Variants in PBX1 observed in about 807,000 individuals in gnomAD.
PBX1 encodes the protein PBX homeobox 1.
Under a neutral mutation model 53.4 loss-of-function variants are expected in PBX1, and 6 were observed. The ratio of observed to expected loss-of-function variants is 0.11; its 90% CI spans 0.06 to 0.22. The LOEUF is 0.22. Ranked by LOEUF, PBX1 falls within the 10% of genes least tolerant of loss-of-function variation. The probability of loss-of-function intolerance (pLI) is 1.00; values close to 1 mark genes in which losing one functional copy is unlikely to be tolerated. For missense variants in PBX1, 251 were observed against 551.4 expected (o/e 0.46, Z 5.46); for synonymous variants, 204 against 212.3 (o/e 0.96, Z 0.34).
At chr1:164,740,721 T>C (rs1395216993) in intron 2 of PBX1, among the ~76,000 whole-genome samples, 1 of 152,212 alleles carries the variant, frequency 6.6e-6, no homozygotes, top group Non-Finnish European at 1.5e-5. Context: ...GTATAGACAT[T>C]ATCTTCGCTC....
rs1361197413 is a variant in PBX1, at chr1:164,851,310, A to T, written c.*4634A>T. The T allele has an allele frequency of 4.8e-6, 1 of 206,258 alleles. No individual in the cohort carries two copies. The highest frequency in any genetic ancestry group is 2.3e-5 in the African/African-American group (1 of 43,856). 12.8% of individuals were successfully genotyped at this position (206,258 alleles called of 1,614,324 possible). A position where few individuals can be genotyped will look rare whatever the true frequency, so the allele number is the denominator to read the frequency against. On this transcript the variant is annotated 3_prime_UTR_variant, in exon 9 of 9. Transcript: ENST00000420696. ...GTCAGAACTTAAGCAAGAAAAGTAAAGAAAGAATGCAGAATTGTGGAGCAA... is the reference window on the plus strand; with the variant it reads ...GTCAGAACTTAAGCAAGAAAAGTAATGAAAGAATGCAGAATTGTGGAGCAA...
intron 2 of PBX1, among the ~76,000 whole-genome samples, chr1:164,734,011 C>T (rs1352021402): frequency 1.3e-5 from 2 of 152,134 alleles, no homozygotes; most frequent in Non-Finnish European, 2.9e-5. Context: ...CACATATTTA[C>T]GTACCAAATA....
At chr1:164,566,718 C>T (rs1235198021) in intron 2 of PBX1, among the ~76,000 whole-genome samples, 3 of 152,024 alleles carry the variant, frequency 2.0e-5, no homozygotes, top group Non-Finnish European at 4.4e-5. Context: ...GTCAAAATCA[C>T]GCAAGTTTAA....
rs35739146 is a variant in PBX1, at chr1:164,834,029, ATGTGTGTGTGTGTGTGTGTGTGTG to A, written c.1200+12421_1200+12444del. Among the ~76,000 whole-genome samples the A allele has an allele frequency of 8.3e-3, 1,062 of 128,284 alleles. 14 individuals carry two copies. Among genetic ancestry groups the A allele is most frequent in the African/African-American group, 0.03 (1,030 of 34,090 alleles). The allele number at this position is 128,284 out of a possible 152,430, so 84.2% of individuals were successfully genotyped here. On this transcript the variant is annotated intron_variant, in intron 8 of 8. Transcript: ENST00000420696. Reference sequence around the variant, plus strand: ...CCTGGATATGGGTATATATATGTATATGTGTGTGTGTGTGTGTGTGTGTGTGTGTGTGTGTGTGTGTATTCAGAG... The same window carrying A: ...CCTGGATATGGGTATATATATGTATATGTGTGTGTGTGTGTGTATTCAGAG...
chr1:164,846,690 G>T lies in PBX1; in HGVS notation c.*14G>T. 1 of 1,613,988 alleles carries T rather than the reference G, an allele frequency of 6.2e-7. No homozygotes were observed. ...ACCTCCAACTGATCTCCCAGCAATCGCATCCCGGCTGACCCTGTGCCCCAG... is the reference window on the plus strand; with the variant it reads ...ACCTCCAACTGATCTCCCAGCAATCTCATCCCGGCTGACCCTGTGCCCCAG... On this transcript the variant is annotated 3_prime_UTR_variant, in exon 9 of 9. Coordinates refer to ENST00000420696, the MANE Select transcript of PBX1 (RefSeq NM_002585.4).
chr1:164,752,116 A>G lies in PBX1; in HGVS notation c.266-40378A>G, dbSNP rs74121211. Among the ~76,000 whole-genome samples the G allele has an allele frequency of 1.7e-3, 258 of 151,996 alleles. 1 individual carries two copies. Among genetic ancestry groups the G allele is most frequent in the African/African-American group, 5.9e-3 (245 of 41,470 alleles). ...AGTCACCAACACTATTTCCTTTCAA[A>G]TGCCAAGGGAGATTTTAACGTGGCT... On this transcript the variant is annotated intron_variant, in intron 2 of 8. Transcript: ENST00000420696.
chr1:164,700,243 G>C (rs923565915), intron 2 of PBX1, among the ~76,000 whole-genome samples: 1 of 152,048 alleles, frequency 6.6e-6, no homozygotes, highest in African/African-American at 2.4e-5. Context: ...GGAGGCAAAC[G>C]CATTCTTAAT....
intron 4 of PBX1, among the ~76,000 whole-genome samples, chr1:164,802,977 A>G (rs999154338): frequency 3.3e-5 from 5 of 152,196 alleles, no homozygotes; most frequent in Non-Finnish European, 7.3e-5. Flanking sequence ...AAATAACAGT[A>G]ACACAAACAG....
intron 2 of PBX1, among the ~76,000 whole-genome samples, chr1:164,862,661 T>A (rs192972765): frequency 6.6e-6 from 1 of 152,144 alleles, no homozygotes; most frequent in Admixed American, 6.5e-5. Context: ...TTTGGCTTAT[T>A]TGCAACACTG....
At chr1:164,839,732 T>G (rs147160342) in intron 8 of PBX1, among the ~76,000 whole-genome samples, 1 of 152,268 alleles carries the variant, frequency 6.6e-6, no homozygotes, top group East Asian at 1.9e-4. Flanking sequence ...GCAGCAAGGA[T>G]TTCTATTCTC....
At chr1:164,735,082 G>A (rs2102148623) in intron 2 of PBX1, among the ~76,000 whole-genome samples, 1 of 152,252 alleles carries the variant, frequency 6.6e-6, no homozygotes, top group East Asian at 1.9e-4. Context: ...AAGCTATAGT[G>A]CTCTATAGTT....
chr1:164,792,767 C>G (rs940760736), intron 3 of PBX1, 29 bp downstream of exon 3: 3 of 1,536,292 alleles, frequency 2.0e-6, no homozygotes, highest in Non-Finnish European at 1.8e-6. Flanking sequence ...GGCTCGGCAC[C>G]CAGGCCCTTT....
In PBX1 at chr1:164,559,620, C is replaced by T; in HGVS notation, c.-203C>T. 1 of 341,920 alleles carries T rather than the reference C, an allele frequency of 2.9e-6. No homozygotes were observed. The highest frequency in any genetic ancestry group is 5.4e-6 in the Non-Finnish European group (1 of 185,752). The allele number at this position is 341,920 out of a possible 1,614,324, so 21.2% of individuals were successfully genotyped here. The stretch of plus-strand genomic sequence containing the variant: ...CCCCGCAACCCCTTCACGCCCCCTC[C>T]CCCTCCCCCTCCTCATCCTCCCACC... On this transcript the variant is annotated 5_prime_UTR_variant, in exon 1 of 9. Transcript: ENST00000420696.
At chr1:164,722,573 A>C (rs1262020894) in intron 2 of PBX1, among the ~76,000 whole-genome samples, 1 of 152,192 alleles carries the variant, frequency 6.6e-6, no homozygotes, top group African/African-American at 2.4e-5. Context: ...CTTTTTGTAT[A>C]CAAAATGGAA....
chr1:164,870,362 G>C (rs4504863), intron 2 of PBX1, among the ~76,000 whole-genome samples: 2 of 98,004 alleles, frequency 2.0e-5, no homozygotes, highest in Non-Finnish European at 4.1e-5. Flanking sequence ...TCTTTCTTTC[G>C]AGATGAAGTC....
At chr1:164,793,308 A>G (rs1054479254) in intron 3 of PBX1, among the ~76,000 whole-genome samples, 8 of 152,158 alleles carry the variant, frequency 5.3e-5, no homozygotes, top group Admixed American at 1.3e-4. Context: ...GGTATGGAAT[A>G]TGACACAAAT....
chr1:164,679,817 A>G (rs1013386823), intron 2 of PBX1, among the ~76,000 whole-genome samples: 1 of 152,210 alleles, frequency 6.6e-6, no homozygotes, highest in African/African-American at 2.4e-5. Context: ...TACCCTGTGA[A>G]ATAGGTACTT....
chr1:164,572,224 C>A (rs1158973736), intron 2 of PBX1, among the ~76,000 whole-genome samples: 3 of 151,938 alleles, frequency 2.0e-5, no homozygotes, highest in Non-Finnish European at 4.4e-5. Context: ...CCACGCCCAG[C>A]CTGGTGTATT....
chr1:164,590,056 A>C (rs1192812412), intron 2 of PBX1, among the ~76,000 whole-genome samples: 2 of 151,876 alleles, frequency 1.3e-5, no homozygotes, highest in African/African-American at 2.4e-5. Context: ...AATAGTAATA[A>C]TAATAAGACA....
Sources: gnomAD v4.1 joint callset for allele counts (sites outside exome capture counted in the v4.1 genomes callset) on GRCh38, gnomAD v4.1.1 for gene constraint, MANE v1.5 for transcripts, NCBI Gene and HGNC (gene_info 2026-07-23, HGNC 2026-07-21) for gene names.